TLN2: variants seen among roughly 807,000 people sequenced by gnomAD.
The protein encoded by TLN2 is talin-2.
Under a neutral mutation model 294.7 loss-of-function variants are expected in TLN2, and 118 were observed. The observed-to-expected ratio is 0.40, with a 90% CI of 0.34 to 0.47. The LOEUF is 0.47. Among genes scored for constraint, TLN2 ranks in the 20% least tolerant of loss-of-function variants. The pLI is 0.84. For missense variants in TLN2, 3,083 were observed against 3,282.2 expected (o/e 0.94, Z 1.48); for synonymous variants, 1,431 against 1,304.5 (o/e 1.10, Z -2.09).
At chr15:62,631,675 T>G (rs117128944) in intron 3 of TLN2, among the ~76,000 whole-genome samples, 4,369 of 146,950 alleles carry the variant, frequency 0.03, 77 homozygotes, top group East Asian at 0.047. Context: ...TTCTCTTTCC[T>G]CCTCTCTTTC....
intron 1 of TLN2, among the ~76,000 whole-genome samples, chr15:62,524,032 A>G (rs1310073539): frequency 2.6e-5 from 4 of 152,186 alleles, no homozygotes; most frequent in African/African-American, 9.6e-5. Flanking sequence ...CTTTTGAGGG[A>G]CCTGGGGTGA....
At chr15:62,588,423 G>T (rs940119027) in intron 1 of TLN2, among the ~76,000 whole-genome samples, 1 of 151,340 alleles carries the variant, frequency 6.6e-6, no homozygotes, top group African/African-American at 2.4e-5. Context: ...ATCACCTGAG[G>T]TCAGGAGTTC....
intron 1 of TLN2, among the ~76,000 whole-genome samples, chr15:62,573,417 T>C (rs1435311486): frequency 6.6e-6 from 1 of 152,094 alleles, no homozygotes; most frequent in Non-Finnish European, 1.5e-5. Flanking sequence ...ACCCACTACC[T>C]TGGCTCGGCC....
intron 12 of TLN2, 89 bp from the exon 13 acceptor site, chr15:62,692,751 T>C: frequency 2.1e-6 from 2 of 932,722 alleles, no homozygotes; most frequent in South Asian, 1.5e-5. Context: ...ATGAAGTCTA[T>C]GTCATATTGT....
At chr15:62,636,532 T>C (rs1346450913) in intron 3 of TLN2, among the ~76,000 whole-genome samples, 2 of 152,200 alleles carry the variant, frequency 1.3e-5, no homozygotes, top group African/African-American at 4.8e-5. Flanking sequence ...TAGGTTAACA[T>C]AGATAAGTGG....
At chr15:62,659,996 G>GCAGCCTTTATATCTTTCC (rs1311923982) in intron 9 of TLN2, among the ~76,000 whole-genome samples, 1 of 152,100 alleles carries the variant, frequency 6.6e-6, no homozygotes, top group Non-Finnish European at 1.5e-5. Flanking sequence ...GCTCTCTTTT[G>GCAGCCTTTATATCTTTCC]CAGCCTTTAT....
chr15:62,496,791 C>T (rs1038762611), intron 1 of TLN2, among the ~76,000 whole-genome samples: 3 of 152,172 alleles, frequency 2.0e-5, no homozygotes, highest in African/African-American at 7.2e-5. Flanking sequence ...GGATCGCGAC[C>T]AACTTCTAAG....
intron 1 of TLN2, among the ~76,000 whole-genome samples, chr15:62,508,602 A>G (rs2039761071): frequency 6.6e-6 from 1 of 152,266 alleles, no homozygotes; most frequent in African/African-American, 2.4e-5. Context: ...TTTTCTATCA[A>G]GTTGAAAAGA....
At chr15:62,534,802 C>T (rs1231611726) in intron 1 of TLN2, among the ~76,000 whole-genome samples, 1 of 152,156 alleles carries the variant, frequency 6.6e-6, no homozygotes, top group Non-Finnish European at 1.5e-5. Flanking sequence ...CTCTGGAGAT[C>T]CCCAGCACTT....
chr15:62,595,145 G>A (rs768436155), intron 2 of TLN2, among the ~76,000 whole-genome samples: 4 of 152,206 alleles, frequency 2.6e-5, no homozygotes, highest in Non-Finnish European at 5.9e-5. Flanking sequence ...AAGATGGGCT[G>A]GGTGCGGTGG....
chr15:62,800,492 A>G lies in TLN2; in HGVS notation c.6359A>G (p.Lys2120Arg), dbSNP rs1409098489. The G allele has an allele frequency of 5.6e-6, 9 of 1,614,072 alleles. No homozygotes were observed. Among genetic ancestry groups the G allele is most frequent in the Non-Finnish European group, 7.6e-6 (9 of 1,179,972 alleles). The change falls in exon 49 of 59, where the codon AAG (lysine) becomes AGG (arginine). Residue 2120 changes from lysine to arginine, a missense_variant and splice_region_variant. By Grantham distance (26) the Lys-to-Arg change is conservative (BLOSUM62 2). Coordinates refer to ENST00000636159, the MANE Select transcript of TLN2 (RefSeq NM_015059.3). Reference sequence around the variant, plus strand: ...ATGTACCAGCTCAAGGGGGCTGCCAAGGTAGAGTGGGGCTCCGACTGGGGA... The same window carrying G: ...ATGTACCAGCTCAAGGGGGCTGCCAGGGTAGAGTGGGGCTCCGACTGGGGA... ...PSMYQLKGAAKVMVTNVTSLL... is the reference protein window; with the variant it reads ...PSMYQLKGAARVMVTNVTSLL...
chr15:62,650,260 T>C, intron 5 of TLN2, 79 bp downstream of exon 5: 3 of 1,434,612 alleles, frequency 2.1e-6, no homozygotes, highest in Non-Finnish European at 2.9e-6. Context: ...ACGGTTACGC[T>C]ATTTTGATTC....
chr15:62,580,632 A>G (rs2044880207), intron 1 of TLN2, among the ~76,000 whole-genome samples: 1 of 151,888 alleles, frequency 6.6e-6, no homozygotes, highest in South Asian at 2.1e-4. Flanking sequence ...GCTAGTCTCT[A>G]ACTCCTGAGT....
intron 54 of TLN2, chr15:62,827,623 G>A (rs905127997): frequency 2.6e-5 from 4 of 152,192 alleles, no homozygotes; most frequent in East Asian, 1.9e-4. Flanking sequence ...GGTACCTGAC[G>A]CTTACTGATT....
intron 56 of TLN2, 24 bp downstream of exon 56, chr15:62,835,823 C>A (rs2069479752): frequency 1.2e-6 from 2 of 1,614,230 alleles, no homozygotes; most frequent in East Asian, 4.5e-5. Context: ...TCCTTCCTCC[C>A]AGTTTGCTTT....
At chr15:62,649,118 A>G (rs977479784) in intron 4 of TLN2, among the ~76,000 whole-genome samples, 6 of 152,220 alleles carry the variant, frequency 3.9e-5, no homozygotes, top group Non-Finnish European at 1.5e-5. Context: ...CTAGGATTAC[A>G]GGCGTGAGCA....
Position 62,797,276 on chromosome 15 carries a change from A to G in TLN2, c.6108A>G (p.Ser2036=). ...TAGAAGACACGAAACTACTTGTGTC[A>G]GGAGCTGCGTCCACTCCTGACAAGC... The part of the protein sequence containing the change: ...ALVEDTKLLV[S]GAASTPDKLA... Residue 2036 remains serine (S), a synonymous_variant, in exon 48 of 59, where the codon TCA becomes TCG. Transcript: ENST00000636159. The G allele has an allele frequency of 6.2e-7, 1 of 1,613,970 alleles. No individual in the cohort carries two copies. Among genetic ancestry groups the G allele is most frequent in the Non-Finnish European group, 8.5e-7 (1 of 1,180,018 alleles).
chr15:62,512,115 C>T (rs2039967457), intron 1 of TLN2, among the ~76,000 whole-genome samples: 1 of 152,144 alleles, frequency 6.6e-6, no homozygotes, highest in African/African-American at 2.4e-5. Context: ...CAGCTGGAAG[C>T]AGAAAAGTCT....
intron 45 of TLN2, among the ~76,000 whole-genome samples, chr15:62,786,007 C>G (rs1192345994): frequency 6.6e-6 from 1 of 152,222 alleles, no homozygotes; most frequent in Non-Finnish European, 1.5e-5. Flanking sequence ...TTCACTGTTA[C>G]ATCTTGAGAT....
Sources: allele counts gnomAD v4.1 joint callset (sites outside exome capture counted in the v4.1 genomes callset), GRCh38; gene constraint gnomAD v4.1.1; transcripts MANE v1.5; gene names NCBI Gene and HGNC (gene_info 2026-07-23, HGNC 2026-07-21).